Variants in SS18L1 observed in about 807,000 individuals in gnomAD.
SS18L1 encodes the protein calcium-responsive transactivator.
A neutral mutation model predicts 70.3 loss-of-function variants in SS18L1; 32 were observed. That is an observed-to-expected ratio of 0.46 (90% CI 0.34 to 0.61). The LOEUF (loss-of-function observed/expected upper bound fraction) is 0.61. SS18L1 is among the 20% of genes least tolerant of loss of function. SS18L1 has a pLI of 0.01. For missense variants in SS18L1, 430 were observed against 542.1 expected (o/e 0.79, Z 2.05); for synonymous variants, 237 against 229.7 (o/e 1.03, Z -0.29).
chr20:62,152,587 A>G (rs2057153671), intron 1 of SS18L1, among the ~76,000 whole-genome samples: 1 of 152,142 alleles, frequency 6.6e-6, no homozygotes, highest in Non-Finnish European at 1.5e-5. Context: ...GAAGCTGGGA[A>G]ACAGTGTCTG....
chr20:62,179,293 A>C lies in SS18L1; in HGVS notation c.*85A>C, dbSNP rs2057673408. On this transcript the variant is annotated 3_prime_UTR_variant, in exon 11 of 11. Transcript: ENST00000331758. ...CTGGCGGCAGCTCTGGTGAATTGTGACATGTTGGTTACCTGTTCGCCCAGT... is the reference window on the plus strand; with the variant it reads ...CTGGCGGCAGCTCTGGTGAATTGTGCCATGTTGGTTACCTGTTCGCCCAGT... 4 of 1,507,818 alleles carry C rather than the reference A, an allele frequency of 2.7e-6. No homozygotes were observed. Among genetic ancestry groups the C allele is most frequent in the African/African-American group, 1.4e-5 (1 of 72,734 alleles). 93.4% of individuals were successfully genotyped at this position (1,507,818 alleles called of 1,614,324 possible). A position where few individuals can be genotyped will look rare whatever the true frequency, so the allele number is the denominator to read the frequency against.
In SS18L1 at chr20:62,150,633, ATTTTTTTTTTTTTTTT is replaced by A. The variant is rs34708339; in HGVS notation, c.69+6766_69+6781del. Among the ~76,000 whole-genome samples, 97 of 58,052 alleles carry A rather than the reference ATTTTTTTTTTTTTTTT, an allele frequency of 1.7e-3. 1 individual carries two copies. Among genetic ancestry groups the A allele is most frequent in the East Asian group, 6.2e-3 (8 of 1,290 alleles). The allele number at this position is 58,052 out of a possible 152,430, so 38.1% of individuals were successfully genotyped here. On this transcript the variant is annotated intron_variant, in intron 1 of 10. Coordinates refer to ENST00000331758, the MANE Select transcript of SS18L1 (RefSeq NM_198935.3). ...CGGAGCATAAGAAACATTGAGGTGG[ATTTTTTTTTTTTTTTT>A]TTTTTTTTTTTTTTTTTTTTTGGAG...
intron 8 of SS18L1, among the ~76,000 whole-genome samples, chr20:62,168,576 T>A (rs1445488405): frequency 6.6e-6 from 1 of 151,902 alleles, no homozygotes; most frequent in Non-Finnish European, 1.5e-5. Flanking sequence ...ATCCCAGCAT[T>A]GTGGGGGCCA....
chr20:62,165,542 C>A (rs376044665), intron 8 of SS18L1, 28 bp downstream of exon 8: 52 of 1,275,146 alleles, frequency 4.1e-5, no homozygotes, highest in Non-Finnish European at 5.3e-5. Flanking sequence ...GTGCTGGGCT[C>A]GAGCGTAAGC....
rs768553522 is a variant in SS18L1 at position 62,165,430 on chromosome 20, G to A, written c.832G>A (p.Asp278Asn). 9 of 1,612,166 alleles carry A rather than the reference G, an allele frequency of 5.6e-6. No individual in the cohort carries two copies. Among genetic ancestry groups the A allele is most frequent in the East Asian group, 2.2e-5 (1 of 44,832 alleles). Reference sequence around the variant, plus strand: ...GTCTCCGTTTCGCACAGGCCATGGCGATTACGCCTACCAGCAGTCATCCTA... The same window carrying A: ...GTCTCCGTTTCGCACAGGCCATGGCAATTACGCCTACCAGCAGTCATCCTA... ...GQQYYPDGHGDYAYQQSSYTE... is the reference protein window; with the variant it reads ...GQQYYPDGHGNYAYQQSSYTE... Residue 278 changes from aspartate to asparagine, a missense_variant, in exon 8 of 11, where the codon GAT (aspartate) becomes AAT (asparagine). Transcript: ENST00000331758.
intron 8 of SS18L1, 48 bp from the exon 9 acceptor site, chr20:62,172,634 C>T (rs1282291670): frequency 1.2e-6 from 2 of 1,613,466 alleles, no homozygotes; most frequent in Non-Finnish European, 8.5e-7. Context: ...AATGAGCCCC[C>T]TTAGCCCAGG....
rs1392837902 is a variant in SS18L1 at position 62,160,289 on chromosome 20, G to GGGTGGGGAGA, written c.231+336_231+345dup. Among the ~76,000 whole-genome samples, 45 of 85,714 alleles carry GGGTGGGGAGA rather than the reference G, an allele frequency of 5.3e-4. 1 individual carries two copies. The highest frequency in any genetic ancestry group is 4.0e-3 in the African/African-American group (39 of 9,654). 56.2% of individuals were successfully genotyped at this position (85,714 alleles called of 152,430 possible). A position where few individuals can be genotyped will look rare whatever the true frequency, so the allele number is the denominator to read the frequency against. ...GGGAGAGGTGGGATGGGGAGAGGTG[G>GGGTGGGGAGA]GGTGGGGAGAGGTGGGGTGGGGTGG... On this transcript the variant is annotated intron_variant, in intron 3 of 10. Transcript: ENST00000331758.
rs575372666 is a variant in SS18L1 at position 62,149,856 on chromosome 20, G to A, written c.69+5967G>A. On this transcript the variant is annotated intron_variant, in intron 1 of 10. Coordinates refer to ENST00000331758, the MANE Select transcript of SS18L1 (RefSeq NM_198935.3). The stretch of plus-strand genomic sequence containing the variant: ...AGGGTCATGTCAGAAAGAAAAAGCA[G>A]TGTCAGCACATGGATGAGATGCATA... Among the ~76,000 whole-genome samples the A allele has an allele frequency of 1.4e-4, 21 of 152,344 alleles. No homozygotes were observed. The South Asian group carries it at 4.3e-3, about 32-fold the overall frequency.
intron 8 of SS18L1, among the ~76,000 whole-genome samples, chr20:62,170,639 G>A (rs989397599): frequency 6.6e-6 from 1 of 152,236 alleles, no homozygotes; most frequent in African/African-American, 2.4e-5. Flanking sequence ...CAACACATCT[G>A]AAAACGGCAA....
chr20:62,171,377 G>C (rs1285434923), intron 8 of SS18L1, among the ~76,000 whole-genome samples: 1 of 152,222 alleles, frequency 6.6e-6, no homozygotes, highest in African/African-American at 2.4e-5. Flanking sequence ...GACGGTGACA[G>C]CTCGTTTGCC....
At chr20:62,160,449 G>A (rs2057308760) in intron 3 of SS18L1, among the ~76,000 whole-genome samples, 1 of 151,760 alleles carries the variant, frequency 6.6e-6, no homozygotes, top group African/African-American at 2.4e-5. Context: ...AGCCTCTCCG[G>A]GTGCTTTGAG....
In SS18L1 at chr20:62,172,150, C is replaced by T. The variant is rs145750862; in HGVS notation, c.917-532C>T. Among the ~76,000 whole-genome samples the T allele has an allele frequency of 1.0e-4, 15 of 150,088 alleles. No individual in the cohort carries two copies. The East Asian group carries it at 2.7e-3, about 27-fold the overall frequency. ...CTGCACTCCAGCCTGGGCAACAGAG[C>T]GAAACTCCATCTCAAAAAAAAAAAA... On this transcript the variant is annotated intron_variant, in intron 8 of 10. Coordinates refer to ENST00000331758, the MANE Select transcript of SS18L1 (RefSeq NM_198935.3).
intron 1 of SS18L1, among the ~76,000 whole-genome samples, chr20:62,152,007 T>A (rs545079389): frequency 6.9e-6 from 1 of 144,494 alleles, no homozygotes; most frequent in Admixed American, 6.9e-5. Flanking sequence ...CCCGTTCCCC[T>A]CTTTTCCCGC....
intron 1 of SS18L1, among the ~76,000 whole-genome samples, chr20:62,145,078 T>C (rs191888421): frequency 3.3e-5 from 5 of 152,382 alleles, no homozygotes; most frequent in African/African-American, 9.6e-5. Flanking sequence ...AATGAGAACC[T>C]TGGCCAACTC....
intron 8 of SS18L1, among the ~76,000 whole-genome samples, 167 bp downstream of exon 8, chr20:62,165,681 CTG>C (rs377077894): frequency 4.5e-4 from 69 of 152,350 alleles, no homozygotes; most frequent in African/African-American, 1.6e-3. Flanking sequence ...GAAATTCAGG[CTG>C]TGTCGGGAGC....
rs2427265 is a variant in SS18L1, at chr20:62,151,860, G to T, written c.70-6812G>T. Among the ~76,000 whole-genome samples, 66 of 105,332 alleles carry T rather than the reference G, an allele frequency of 6.3e-4. No individual in the cohort carries two copies. In the East Asian group the frequency reaches 0.012, roughly 19 times the overall value. 69.1% of individuals were successfully genotyped at this position (105,332 alleles called of 152,430 possible). Reference sequence around the variant, plus strand: ...GCCTCCCCCGTTCCCCTCTTTTCCCGCTCCCCAGAGCTGGCCTTCCCCGTT... The same window carrying T: ...GCCTCCCCCGTTCCCCTCTTTTCCCTCTCCCCAGAGCTGGCCTTCCCCGTT... On this transcript the variant is annotated intron_variant, in intron 1 of 10. Coordinates refer to ENST00000331758, the MANE Select transcript of SS18L1 (RefSeq NM_198935.3).
intron 8 of SS18L1, among the ~76,000 whole-genome samples, chr20:62,167,042 GTTTTTTTTTTTTT>G (rs1216570693): frequency 1.1e-5 from 1 of 88,166 alleles, no homozygotes; most frequent in South Asian, 5.4e-4. Flanking sequence ...GAGTTTGTTT[GTTTTTTTTTTTTT>G]TTTTTTTTGA....
At chr20:62,175,166 G>C in intron 10 of SS18L1, 1 of 925,716 alleles carries the variant, frequency 1.1e-6, no homozygotes, top group Non-Finnish European at 1.3e-6. Context: ...GCAGCCCCAG[G>C]CTCAGCCTAG....
At chr20:62,156,443 T>C (rs969060896) in intron 1 of SS18L1, among the ~76,000 whole-genome samples, 3 of 152,046 alleles carry the variant, frequency 2.0e-5, no homozygotes, top group Non-Finnish European at 2.9e-5. Context: ...CTCGGCCCCA[T>C]TGGGCTCAGC....
Sources: allele counts gnomAD v4.1 joint callset (sites outside exome capture counted in the v4.1 genomes callset), GRCh38; gene constraint gnomAD v4.1.1; transcripts MANE v1.5; gene names NCBI Gene and HGNC (gene_info 2026-07-23, HGNC 2026-07-21).